Variants in HPD observed in about 807,000 individuals in gnomAD.
HPD encodes the protein 4-hydroxyphenylpyruvate dioxygenase, also known as 4-hydroxyphenylpyruvic acid oxidase.
Under a neutral mutation model 56.9 loss-of-function variants are expected in HPD, and 35 were observed. The observed-to-expected ratio is 0.62, with a 90% CI of 0.47 to 0.82. The LOEUF (loss-of-function observed/expected upper bound fraction) is 0.82, where lower values mean the gene tolerates loss of function less well. HPD is among the 40% of genes least tolerant of loss of function. The probability of loss-of-function intolerance (pLI) is 0.00; values close to 1 mark genes in which losing one functional copy is unlikely to be tolerated. For missense variants in HPD, 442 were observed against 506.8 expected (o/e 0.87, Z 1.23); for synonymous variants, 186 against 200.2 (o/e 0.93, Z 0.60).
the HPD span, among the ~76,000 whole-genome samples, chr12:121,885,815 A>T: frequency 6.6e-6 from 1 of 151,708 alleles, no homozygotes; most frequent in Non-Finnish European, 1.5e-5. Flanking sequence ...ATACAAAAAA[A>T]TTAGCCGAGC....
chr12:121,862,131 T>G (rs1245718773), upstream of HPD, among the ~76,000 whole-genome samples: 1 of 152,144 alleles, frequency 6.6e-6, no homozygotes, highest in Non-Finnish European at 1.5e-5. Flanking sequence ...ACACAGGACT[T>G]TAACTCTAGG....
rs1877481887 is a variant in HPD, at chr12:121,843,722, A to G, written c.942T>C (p.Ile314=). 1 of 1,613,956 alleles carries G rather than the reference A, an allele frequency of 6.2e-7. No individual in the cohort carries two copies. Among genetic ancestry groups the G allele is most frequent in the Non-Finnish European group, 8.5e-7 (1 of 1,180,014 alleles). ...GCCTGGGCCTCACCTCCAGGGCATCAATGTTCTCCTTCACCTTGATCTTGG... is the reference window on the plus strand; with the variant it reads ...GCCTGGGCCTCACCTCCAGGGCATCGATGTTCTCCTTCACCTTGATCTTGG... ...KTAKIKVKEN[I]DALEELKILV... is the part of the protein sequence containing the mutation. The change falls in exon 12 of 14, where the codon ATT becomes ATC. Residue 314 remains isoleucine, a synonymous_variant. Coordinates refer to ENST00000289004, the MANE Select transcript of HPD (RefSeq NM_002150.3).
chr12:121,870,873 G>A, the HPD span, among the ~76,000 whole-genome samples: 1 of 151,998 alleles, frequency 6.6e-6, no homozygotes, highest in Admixed American at 6.6e-5. Context: ...TGGGATTACA[G>A]TCATGAGCCA....
rs895823217 is a variant in HPD at position 121,857,367 on chromosome 12, A to AC, written c.158dup (p.Ser54PhefsTer38). ...TTACATGGCTGACCACCTCCCGGGAACCGGTCTCCAGGCCCCTGTAGGCTA... is the reference window on the plus strand; with the variant it reads ...TTACATGGCTGACCACCTCCCGGGAACCCGGTCTCCAGGCCCCTGTAGGCTA... On this transcript the variant is annotated frameshift_variant, in exon 4 of 14. Transcript: ENST00000289004. LOFTEE classifies it high-confidence loss of function. The AC allele has an allele frequency of 5.6e-6, 9 of 1,613,980 alleles. No individual in the cohort carries two copies. The highest frequency in any genetic ancestry group is 1.7e-5 in the Admixed American group (1 of 59,992).
At chr12:121,843,115 A>C (rs1877462900) in intron 12 of HPD, among the ~76,000 whole-genome samples, 1 of 152,200 alleles carries the variant, frequency 6.6e-6, no homozygotes. Context: ...GTACACCTTA[A>C]AAAAATGACA....
At chr12:121,864,073 C>CAAAA (rs748278452), upstream of HPD, among the ~76,000 whole-genome samples, 6 of 71,338 alleles carry the variant, frequency 8.4e-5, no homozygotes, top group Non-Finnish European at 1.3e-4. Flanking sequence ...ACTAAAAATA[C>CAAAA]AAAAAAAAAA....
intron 11 of HPD, among the ~76,000 whole-genome samples, chr12:121,846,199 C>G (rs1271008021): frequency 6.6e-6 from 1 of 152,140 alleles, no homozygotes; most frequent in Non-Finnish European, 1.5e-5. Context: ...GTGCCCAGTC[C>G]TAATTTCCTT....
chr12:121,884,625 T>G, the HPD span, among the ~76,000 whole-genome samples: 1 of 151,464 alleles, frequency 6.6e-6, no homozygotes, highest in African/African-American at 2.4e-5. Flanking sequence ...CTCTCTCTTT[T>G]GACAATGTTA....
chr12:121,863,312 C>T (rs1055490579), upstream of HPD, among the ~76,000 whole-genome samples: 2 of 152,142 alleles, frequency 1.3e-5, no homozygotes, highest in African/African-American at 4.8e-5. Flanking sequence ...CTGATTCCTT[C>T]CTAACTTGTG....
intron 7 of HPD, among the ~76,000 whole-genome samples, chr12:121,854,493 C>T (rs183257211): frequency 4.6e-5 from 7 of 152,296 alleles, no homozygotes; most frequent in East Asian, 3.9e-4. Context: ...GTCATCCTCC[C>T]GCACTGGGAG....
At chr12:121,847,431 C>T (rs1877624355) in intron 9 of HPD, among the ~76,000 whole-genome samples, 1 of 152,178 alleles carries the variant, frequency 6.6e-6, no homozygotes, top group South Asian at 2.1e-4. Context: ...GCAGTCTTGG[C>T]TCACTGCAGC....
At chr12:121,854,294 C>A (rs1877914021) in intron 7 of HPD, among the ~76,000 whole-genome samples, 1 of 152,152 alleles carries the variant, frequency 6.6e-6, no homozygotes, top group Non-Finnish European at 1.5e-5. Context: ...AAAGATACTG[C>A]TGAGGCACAG....
chr12:121,856,249 T>C, intron 6 of HPD, 75 bp downstream of exon 6: 1 of 1,132,586 alleles, frequency 8.8e-7, no homozygotes, highest in Non-Finnish European at 1.4e-6. Flanking sequence ...AGCAGTGTCC[T>C]TCCAGCCCTG....
At chr12:121,860,328 C>T (rs56003469), upstream of HPD, among the ~76,000 whole-genome samples, 657 of 152,264 alleles carry the variant, frequency 4.3e-3, 12 homozygotes, top group African/African-American at 0.015. Flanking sequence ...AACTCAAACC[C>T]CCACTCCTGG....
chr12:121,849,877 G>A, intron 7 of HPD, 87 bp from the exon 8 acceptor site: 4 of 860,290 alleles, frequency 4.6e-6, no homozygotes, highest in Non-Finnish European at 3.9e-6. Context: ...ACGTAGCCCC[G>A]GGTTCCAACC....
At chr12:121,858,218 G>A (rs1324007123) in intron 2 of HPD, among the ~76,000 whole-genome samples, 1 of 152,146 alleles carries the variant, frequency 6.6e-6, no homozygotes, top group Non-Finnish European at 1.5e-5. Context: ...CTGGAGTGGA[G>A]TGCAGTGGTG....
chr12:121,880,375 T>C, the HPD span, among the ~76,000 whole-genome samples: 6 of 152,022 alleles, frequency 3.9e-5, no homozygotes, highest in African/African-American at 7.2e-5. Flanking sequence ...TTTGAATTTT[T>C]AATAGAGATG....
At chr12:121,856,436 G>A in intron 5 of HPD, 30 bp from the exon 6 acceptor site, 1 of 1,607,230 alleles carries the variant, frequency 6.2e-7, no homozygotes, top group African/African-American at 1.3e-5. Context: ...GATGGCACTG[G>A]AGTCTGGAGT....
At chr12:121,849,876 C>CG in intron 7 of HPD, 86 bp from the exon 8 acceptor site, 1 of 859,946 alleles carries the variant, frequency 1.2e-6, no homozygotes, top group Non-Finnish European at 2.0e-6. Flanking sequence ...AACGTAGCCC[C>CG]GGGTTCCAAC....
Sources: gnomAD v4.1 joint callset for allele counts (sites outside exome capture counted in the v4.1 genomes callset) on GRCh38, gnomAD v4.1.1 for gene constraint, MANE v1.5 for transcripts, NCBI Gene and HGNC (gene_info 2026-07-23, HGNC 2026-07-21) for gene names.